The following SRBD1 variants were observed in gnomAD, a reference collection of about 807,000 sequenced individuals.
SRBD1 encodes S1 RNA binding domain 1.
In SRBD1, 88 loss-of-function variants were observed where a neutral mutation model predicts 115.3. That is an observed-to-expected ratio of 0.76 (90% CI 0.64 to 0.91). The LOEUF is 0.91. Ranked by LOEUF, SRBD1 falls within the 40% of genes least tolerant of loss-of-function variation. The probability of loss-of-function intolerance (pLI) is 0.00; values close to 1 mark genes in which losing one functional copy is unlikely to be tolerated. For synonymous variants in SRBD1, 509 were observed against 407.7 expected (o/e 1.25, Z -2.99); for missense variants, 1,385 against 1,177.4 (o/e 1.18, Z -2.58).
At chr2:45,562,144 G>C (rs1384389593) in intron 10 of SRBD1, among the ~76,000 whole-genome samples, 2 of 152,046 alleles carry the variant, frequency 1.3e-5, no homozygotes, top group African/African-American at 4.8e-5. Context: ...GTTTAAATAT[G>C]CATGACACAC....
intron 2 of SRBD1, 138 bp from the exon 3 acceptor site, chr2:45,602,221 G>A: frequency 1.0e-6 from 1 of 980,098 alleles, no homozygotes; most frequent in Non-Finnish European, 1.5e-6. Context: ...TACAGGCTGT[G>A]AACAGTTATT....
chr2:45,405,146 G>C (rs932851305), intron 19 of SRBD1, among the ~76,000 whole-genome samples: 2 of 152,046 alleles, frequency 1.3e-5, no homozygotes, highest in Admixed American at 6.6e-5. Flanking sequence ...TTATTATGCT[G>C]GTTGTATACT....
chr2:45,540,121 T>A (rs1477759023), intron 14 of SRBD1, among the ~76,000 whole-genome samples: 1 of 152,136 alleles, frequency 6.6e-6, no homozygotes, highest in Admixed American at 6.6e-5. Flanking sequence ...GGCAGGCGGA[T>A]CATGAGGTCA....
chr2:45,394,697 C>G (rs1174003212), intron 19 of SRBD1, among the ~76,000 whole-genome samples: 1 of 152,196 alleles, frequency 6.6e-6, no homozygotes, highest in African/African-American at 2.4e-5. Context: ...TCTCCCATCT[C>G]TCACTTAAGT....
At chr2:45,545,428 A>C (rs1048255149) in intron 14 of SRBD1, among the ~76,000 whole-genome samples, 2 of 152,118 alleles carry the variant, frequency 1.3e-5, no homozygotes, top group East Asian at 1.9e-4. Context: ...AAAAAACTGA[A>C]GACATCTTCA....
intron 4 of SRBD1, among the ~76,000 whole-genome samples, chr2:45,587,875 T>A (rs1673596983): frequency 6.6e-6 from 1 of 152,186 alleles, no homozygotes; most frequent in African/African-American, 2.4e-5. Flanking sequence ...TTTCCAAAGT[T>A]ATCTTCTTCT....
rs372682395 is a variant in SRBD1 at position 45,450,691 on chromosome 2, A to G, written c.2049+26302T>C. Among the ~76,000 whole-genome samples the G allele has an allele frequency of 9.9e-4, 151 of 152,262 alleles. 1 individual carries two copies. Among genetic ancestry groups the G allele is most frequent in the African/African-American group, 3.5e-3 (147 of 41,580 alleles). The stretch of plus-strand genomic sequence containing the variant: ...GATGAATACCCATCAAGTTAGTTTT[A>G]GAACATATAAGAAGCATCAGAGTTT... On this transcript the variant is annotated intron_variant, in intron 16 of 20. Transcript: ENST00000263736.
rs562739509 is a variant in SRBD1 at position 45,418,442 on chromosome 2, T to G, written c.2256A>C (p.Lys752Asn). Residue 752 changes from lysine (K) to asparagine (N), a missense_variant, in exon 18 of 21, where the codon AAA becomes AAC. Coordinates refer to ENST00000263736, the MANE Select transcript of SRBD1 (RefSeq NM_018079.5). ...FINREQLKKVKGLGPKSFQQC... is the reference protein window; with the variant it reads ...FINREQLKKVNGLGPKSFQQC... ...GTTGGAAGGATTTTGGGCCCAGCCCTTTCACTTTCTTCAGCTGTTCTCGGT... is the reference window on the plus strand; with the variant it reads ...GTTGGAAGGATTTTGGGCCCAGCCCGTTCACTTTCTTCAGCTGTTCTCGGT... 6.2e-7 allele frequency: 1 copy of G among 1,613,942 alleles called. No individual in the cohort carries two copies. The highest frequency in any genetic ancestry group is 2.2e-5 in the East Asian group (1 of 44,886).
intron 16 of SRBD1, among the ~76,000 whole-genome samples, chr2:45,423,059 G>A (rs951360861): frequency 1.2e-4 from 19 of 152,056 alleles, no homozygotes; most frequent in African/African-American, 2.7e-4. Flanking sequence ...ATAACCATAC[G>A]ACTTTAAAAT....
intron 1 of SRBD1, among the ~76,000 whole-genome samples, chr2:45,610,247 G>A (rs775900018): frequency 2.0e-5 from 3 of 152,064 alleles, no homozygotes; most frequent in East Asian, 1.9e-4. Context: ...GCAAAAGGAC[G>A]TGCACACTAA....
chr2:45,442,615 G>A (rs1668703707), intron 16 of SRBD1, among the ~76,000 whole-genome samples: 2 of 152,134 alleles, frequency 1.3e-5, no homozygotes. Flanking sequence ...CCAAATGTTG[G>A]TCCTTAAAGA....
Position 45,388,904 on chromosome 2 carries a change from C to T in SRBD1, c.*406G>A, listed in dbSNP as rs746137372. 3.0e-5 allele frequency: 5 copies of T among 166,992 alleles called. No homozygotes were observed. Among genetic ancestry groups the T allele is most frequent in the Non-Finnish European group, 6.5e-5 (5 of 77,062 alleles). 10.3% of individuals were successfully genotyped at this position (166,992 alleles called of 1,614,324 possible). ...TGGAAGGATTAAACACTGCCCAGCC[C>T]TACTGTGTCAACAAAGACGGTACAA... On this transcript the variant is annotated 3_prime_UTR_variant, in exon 21 of 21. Transcript: ENST00000263736.
intron 14 of SRBD1, among the ~76,000 whole-genome samples, chr2:45,515,671 C>T (rs1194121717): frequency 6.6e-6 from 1 of 152,150 alleles, no homozygotes; most frequent in African/African-American, 2.4e-5. Flanking sequence ...TAACTGATCA[C>T]TATGCTGTTT....
intron 1 of SRBD1, among the ~76,000 whole-genome samples, chr2:45,606,472 T>C (rs1006328135): frequency 3.9e-5 from 6 of 152,120 alleles, no homozygotes; most frequent in African/African-American, 4.8e-5. Flanking sequence ...TTCTATATAT[T>C]CTTAATGAAT....
intron 19 of SRBD1, among the ~76,000 whole-genome samples, chr2:45,404,822 T>G (rs536219200): frequency 2.1e-4 from 32 of 152,248 alleles, no homozygotes; most frequent in African/African-American, 7.5e-4. Context: ...CTCAATCTCC[T>G]ATTTTTCTCT....
At chr2:45,426,572 G>A (rs1450890522) in intron 16 of SRBD1, among the ~76,000 whole-genome samples, 1 of 152,188 alleles carries the variant, frequency 6.6e-6, no homozygotes, top group Non-Finnish European at 1.5e-5. Flanking sequence ...CCTCCCAGCA[G>A]GAGTCGATAG....
In SRBD1 at chr2:45,476,061, ACTATCTTT is replaced by A. The variant is rs549326864; in HGVS notation, c.2049+924_2049+931del. On this transcript the variant is annotated intron_variant, in intron 16 of 20. Coordinates refer to ENST00000263736, the MANE Select transcript of SRBD1 (RefSeq NM_018079.5). The stretch of plus-strand genomic sequence containing the variant: ...TGTAGCTAGATCAGTCCCTTTAGCA[ACTATCTTT>A]CTGAAATGAGTAAGTCCAGTTAAAG... Among the ~76,000 whole-genome samples the A allele has an allele frequency of 7.2e-5, 11 of 152,328 alleles. No homozygotes were observed. The South Asian group carries it at 2.3e-3, about 32-fold the overall frequency.
chr2:45,535,989 T>A (rs1671752220), intron 14 of SRBD1, among the ~76,000 whole-genome samples: 1 of 152,090 alleles, frequency 6.6e-6, no homozygotes, highest in Admixed American at 6.5e-5. Context: ...TTACTTACAC[T>A]TCTTTCAGCT....
intron 19 of SRBD1, among the ~76,000 whole-genome samples, chr2:45,400,995 T>C (rs535072465): frequency 1.3e-5 from 2 of 152,278 alleles, no homozygotes; most frequent in Admixed American, 6.5e-5. Flanking sequence ...TTTGGAACAG[T>C]GTGTAAGACA....
Sources: allele counts gnomAD v4.1 joint callset (sites outside exome capture counted in the v4.1 genomes callset), GRCh38; gene constraint gnomAD v4.1.1; transcripts MANE v1.5; gene names NCBI Gene and HGNC (gene_info 2026-07-23, HGNC 2026-07-21).